The following UBE2E2 variants were observed in gnomAD, a reference collection of about 807,000 sequenced individuals.
UBE2E2 encodes ubiquitin conjugating enzyme E2 E2.
In UBE2E2, 6 loss-of-function variants were observed where a neutral mutation model predicts 24.7. That is an observed-to-expected ratio of 0.24 (90% confidence interval 0.13 to 0.48). The LOEUF is 0.48. Ranked by LOEUF, UBE2E2 falls within the 20% of genes least tolerant of loss-of-function variation. UBE2E2 has a pLI of 0.99. For synonymous variants in UBE2E2, 104 were observed against 83.6 expected, an observed-to-expected ratio of 1.24 and a Z score of -1.33; for missense variants, 169 against 245.0, an observed-to-expected ratio of 0.69 and a Z score of 2.07.
chr3:23,303,848 A>G (rs1363043638), intron 3 of UBE2E2, among the ~76,000 whole-genome samples: 3 of 152,130 alleles, frequency 2.0e-5, no homozygotes, highest in Non-Finnish European at 4.4e-5. Context: ...TTGGCCTTTT[A>G]AGTTCTCAGG....
At chr3:23,212,343 A>AT (rs1696350461) in intron 2 of UBE2E2, among the ~76,000 whole-genome samples, 1 of 152,126 alleles carries the variant, frequency 6.6e-6, no homozygotes, top group African/African-American at 2.4e-5. Context: ...TGATATGTCT[A>AT]TATCACTCTT....
chr3:23,299,359 CT>C (rs1306524215), intron 3 of UBE2E2, among the ~76,000 whole-genome samples: 2 of 152,112 alleles, frequency 1.3e-5, no homozygotes, highest in Admixed American at 1.3e-4. Context: ...TTCTCTAGCT[CT>C]TTTAGTTGTG....
intron 3 of UBE2E2, among the ~76,000 whole-genome samples, chr3:23,334,931 A>C (rs1695162435): frequency 6.6e-6 from 1 of 152,184 alleles, no homozygotes; most frequent in African/African-American, 2.4e-5. Flanking sequence ...GTCTATAAAG[A>C]TCTTTACATT....
intron 4 of UBE2E2, among the ~76,000 whole-genome samples, chr3:23,526,780 A>G (rs1406796082): frequency 6.6e-6 from 1 of 152,252 alleles, no homozygotes; most frequent in African/African-American, 2.4e-5. Flanking sequence ...GGTTTAATTC[A>G]TGAACACCTG....
chr3:23,384,307 G>T (rs35497505), intron 3 of UBE2E2, among the ~76,000 whole-genome samples: 11,042 of 146,918 alleles, frequency 0.075, 520 homozygotes, highest in Non-Finnish European at 0.09. Flanking sequence ...GGACTACAAG[G>T]CATGTTCTGC....
intron 3 of UBE2E2, among the ~76,000 whole-genome samples, chr3:23,323,344 G>A (rs547318145): frequency 1.1e-4 from 16 of 152,136 alleles, no homozygotes; most frequent in Middle Eastern, 3.4e-3. Context: ...AGTACTTACT[G>A]TCTTGTTTCT....
intron 2 of UBE2E2, among the ~76,000 whole-genome samples, chr3:23,215,411 A>G (rs1254876049): frequency 6.6e-6 from 1 of 152,010 alleles, no homozygotes; most frequent in Non-Finnish European, 1.5e-5. Context: ...TCAATGAGTC[A>G]TAGCATTGAG....
chr3:23,410,849 T>TTTTGATA, intron 3 of UBE2E2, among the ~76,000 whole-genome samples: 1 of 152,298 alleles, frequency 6.6e-6, no homozygotes, highest in South Asian at 2.1e-4. Flanking sequence ...CTGTAAGGTG[T>TTTTGATA]TTTGATAGCA....
At chr3:23,242,859 G>C (rs1697292816) in intron 3 of UBE2E2, among the ~76,000 whole-genome samples, 1 of 152,136 alleles carries the variant, frequency 6.6e-6, no homozygotes, top group Admixed American at 6.5e-5. Context: ...GCTGAGGCGG[G>C]AGGATCACCT....
intron 3 of UBE2E2, among the ~76,000 whole-genome samples, chr3:23,331,634 G>C (rs1266762016): frequency 6.6e-6 from 1 of 152,056 alleles, no homozygotes; most frequent in Non-Finnish European, 1.5e-5. Context: ...AAGAGTGTCT[G>C]AGGTAGAAAA....
At chr3:23,257,849 T>A (rs1178303349) in intron 3 of UBE2E2, among the ~76,000 whole-genome samples, 2 of 152,118 alleles carry the variant, frequency 1.3e-5, no homozygotes, top group African/African-American at 4.8e-5. Context: ...ATTATAAAAT[T>A]AGAATTTTAT....
intron 3 of UBE2E2, among the ~76,000 whole-genome samples, chr3:23,261,538 A>G (rs1003477027): frequency 2.6e-5 from 4 of 152,142 alleles, no homozygotes; most frequent in African/African-American, 7.2e-5. Flanking sequence ...ATTACTAGCT[A>G]TAGTTAATTA....
rs3086989 is a variant in UBE2E2, at chr3:23,332,674, G to GGTGTGT, written c.227+115402_227+115407dup. 4.9e-3 allele frequency among the ~76,000 whole-genome samples: 528 copies of GGTGTGT among 108,104 alleles called. 5 individuals are homozygous for GGTGTGT. Among genetic ancestry groups the GGTGTGT allele is most frequent in the East Asian group, 9.8e-3 (42 of 4,266 alleles). The allele number at this position is 108,104 out of a possible 152,430, so 70.9% of individuals were successfully genotyped here. A position where few individuals can be genotyped will look rare whatever the true frequency, so the allele number is the denominator to read the frequency against. ...CTTTGAGCTTCCTGGCAGCCAGTGG[G>GGTGTGT]GTGTGTGTGTGTGTGTGTGTGTGTG... On this transcript the variant is annotated intron_variant, in intron 3 of 5. Coordinates refer to ENST00000396703, the MANE Select transcript of UBE2E2 (RefSeq NM_152653.4).
intron 3 of UBE2E2, among the ~76,000 whole-genome samples, chr3:23,320,725 T>A (rs1214094885): frequency 1.3e-5 from 2 of 152,202 alleles, no homozygotes; most frequent in African/African-American, 4.8e-5. Flanking sequence ...TTGTGTATAG[T>A]CTGGACTACT....
intron 5 of UBE2E2, among the ~76,000 whole-genome samples, chr3:23,574,099 G>A (rs531515242): frequency 7.2e-5 from 11 of 152,200 alleles, no homozygotes; most frequent in Non-Finnish European, 1.5e-4. Flanking sequence ...AGGTCATTAT[G>A]TTAAGTGAAA....
chr3:23,282,524 G>T (rs1240831136), intron 3 of UBE2E2, among the ~76,000 whole-genome samples: 1 of 152,078 alleles, frequency 6.6e-6, no homozygotes, highest in African/African-American at 2.4e-5. Context: ...ACTCCAGCAA[G>T]TTTGTATTCA....
chr3:23,340,921 G>A (rs981283967), intron 3 of UBE2E2, among the ~76,000 whole-genome samples: 4 of 151,938 alleles, frequency 2.6e-5, no homozygotes, highest in East Asian at 1.9e-4. Context: ...CTTTGTTTTC[G>A]TACTCCCCCC....
chr3:23,414,548 C>G (rs895533887), intron 3 of UBE2E2, among the ~76,000 whole-genome samples: 1 of 152,192 alleles, frequency 6.6e-6, no homozygotes, highest in African/African-American at 2.4e-5. Flanking sequence ...GGTGGGGACA[C>G]AGATTCAAAC....
chr3:23,356,185 G>A (rs1695945070), intron 3 of UBE2E2, among the ~76,000 whole-genome samples: 1 of 152,138 alleles, frequency 6.6e-6, no homozygotes, highest in South Asian at 2.1e-4. Flanking sequence ...GGAGAAAGCG[G>A]CAAATCAGAA....
Sources: allele counts gnomAD v4.1 joint callset (sites outside exome capture counted in the v4.1 genomes callset), GRCh38; gene constraint gnomAD v4.1.1; transcripts MANE v1.5; gene names NCBI Gene and HGNC (gene_info 2026-07-23, HGNC 2026-07-21).